Variants in ABTB3 observed in about 807,000 individuals in gnomAD.
The protein encoded by ABTB3 is ankyrin repeat and BTB domain containing 3.
At chr12:107,612,245 C>T in the ABTB3 span, among the ~76,000 whole-genome samples, 1 of 152,204 alleles carries the variant, frequency 6.6e-6, no homozygotes, top group African/African-American at 2.4e-5. Flanking sequence ...GAAGGCCGTT[C>T]CTCATTTGCT....
the ABTB3 span, among the ~76,000 whole-genome samples, chr12:107,626,343 C>CTTTTTTTTTT: frequency 1.4e-4 from 16 of 112,512 alleles, no homozygotes; most frequent in African/African-American, 5.3e-4. Flanking sequence ...CTATCGTCAT[C>CTTTTTTTTTT]TTTTTTTTTT....
the ABTB3 span, among the ~76,000 whole-genome samples, chr12:107,364,019 A>C: frequency 2.6e-5 from 4 of 152,144 alleles, no homozygotes; most frequent in Non-Finnish European, 5.9e-5. Context: ...TATTGTGAGG[A>C]TTTTGTTACG....
At chr12:107,431,831 G>A in the ABTB3 span, among the ~76,000 whole-genome samples, 4 of 152,188 alleles carry the variant, frequency 2.6e-5, no homozygotes, top group Admixed American at 6.5e-5. Flanking sequence ...TAGGGAATCC[G>A]GGAGTGGCTA....
At chr12:107,656,157 C>T in the ABTB3 span, among the ~76,000 whole-genome samples, 2 of 150,932 alleles carry the variant, frequency 1.3e-5, no homozygotes, top group East Asian at 2.0e-4. Context: ...AAAAAATAGC[C>T]GGACATGGTG....
the ABTB3 span, among the ~76,000 whole-genome samples, chr12:107,603,761 A>G: frequency 1.3e-5 from 2 of 152,354 alleles, no homozygotes; most frequent in African/African-American, 4.8e-5. Flanking sequence ...CAGGGTGAAG[A>G]CACAACTTAT....
chr12:107,657,326 A>G, the ABTB3 span, among the ~76,000 whole-genome samples: 1 of 152,030 alleles, frequency 6.6e-6, no homozygotes, highest in Non-Finnish European at 1.5e-5. Flanking sequence ...GGAGGAATGG[A>G]CTCTAACCCT....
chr12:107,371,801 T>C, the ABTB3 span, among the ~76,000 whole-genome samples: 5 of 152,338 alleles, frequency 3.3e-5, no homozygotes, highest in East Asian at 1.9e-4. Flanking sequence ...TACTTGGTAC[T>C]TCTGCCACTT....
chr12:107,614,953 G>A, the ABTB3 span: 1 of 861,858 alleles, frequency 1.2e-6, no homozygotes, highest in Non-Finnish European at 1.8e-6. Flanking sequence ...CTTCCAGGAT[G>A]TCTTTTTGTC....
chr12:107,462,219 G>C, the ABTB3 span, among the ~76,000 whole-genome samples: 2 of 152,178 alleles, frequency 1.3e-5, no homozygotes, highest in African/African-American at 2.4e-5. Context: ...AAAATGGATG[G>C]CATTTTAATA....
At chr12:107,655,620 C>T in the ABTB3 span, among the ~76,000 whole-genome samples, 3 of 152,240 alleles carry the variant, frequency 2.0e-5, no homozygotes, top group Non-Finnish European at 2.9e-5. Flanking sequence ...CTAAGAGCCA[C>T]GTTCCAAATG....
the ABTB3 span, among the ~76,000 whole-genome samples, chr12:107,335,486 G>A: frequency 2.7e-3 from 403 of 152,062 alleles, 3 homozygotes; most frequent in African/African-American, 9.1e-3. Context: ...TTTGATCTGG[G>A]TTCTCATGGA....
At chr12:107,606,131 G>T in the ABTB3 span, among the ~76,000 whole-genome samples, 3,158 of 152,226 alleles carry the variant, frequency 0.021, 100 homozygotes, top group African/African-American at 0.07. Context: ...AGGGCAGGAT[G>T]GGGGGTCAGG....
the ABTB3 span, among the ~76,000 whole-genome samples, chr12:107,421,641 C>T: frequency 2.6e-5 from 4 of 152,230 alleles, no homozygotes; most frequent in African/African-American, 9.6e-5. Context: ...CAGGGGTCCA[C>T]TTTATTTCTT....
chr12:107,566,277 C>G, the ABTB3 span, among the ~76,000 whole-genome samples: 1 of 151,956 alleles, frequency 6.6e-6, no homozygotes, highest in African/African-American at 2.4e-5. Context: ...CATTCCCATC[C>G]CCTACTTCCT....
the ABTB3 span, among the ~76,000 whole-genome samples, chr12:107,373,732 A>G: frequency 1.3e-5 from 2 of 152,180 alleles, no homozygotes; most frequent in African/African-American, 4.8e-5. Context: ...GAAGTGATGG[A>G]GGGGACCCTG....
chr12:107,588,821 G>A, the ABTB3 span, among the ~76,000 whole-genome samples: 2 of 152,210 alleles, frequency 1.3e-5, no homozygotes, highest in South Asian at 2.1e-4. Context: ...CCACCCAGAC[G>A]GGTTCCATTT....
the ABTB3 span, among the ~76,000 whole-genome samples, chr12:107,593,803 T>G: frequency 8.5e-5 from 13 of 152,156 alleles, no homozygotes; most frequent in Non-Finnish European, 1.8e-4. Flanking sequence ...GGGTGATACC[T>G]TCCTCTGCAT....
chr12:107,467,924 C>T, the ABTB3 span, among the ~76,000 whole-genome samples: 3 of 152,286 alleles, frequency 2.0e-5, no homozygotes, highest in African/African-American at 7.2e-5. Flanking sequence ...CTGATCCCTC[C>T]AGATGTGATC....
the ABTB3 span, among the ~76,000 whole-genome samples, chr12:107,346,305 A>AC: frequency 6.6e-6 from 1 of 151,870 alleles, no homozygotes; most frequent in Non-Finnish European, 1.5e-5. Flanking sequence ...TTCTGGAAGC[A>AC]CCCCCATTGA....
Sources: gnomAD v4.1 joint callset for allele counts (sites outside exome capture counted in the v4.1 genomes callset) on GRCh38, gnomAD v4.1.1 for gene constraint, MANE v1.5 for transcripts, NCBI Gene and HGNC (gene_info 2026-07-23, HGNC 2026-07-21) for gene names.